PTPRD: variants seen among roughly 807,000 people sequenced by gnomAD.
PTPRD encodes the protein protein tyrosine phosphatase receptor type D, also known as receptor-type tyrosine-protein phosphatase delta.
Under a neutral mutation model 214.5 loss-of-function variants are expected in PTPRD, and 34 were observed. That is an observed-to-expected ratio of 0.16 (90% confidence interval 0.12 to 0.21). The LOEUF is 0.21. Among genes scored for constraint, PTPRD ranks in the 10% least tolerant of loss-of-function variants. PTPRD has a pLI of 1.00. For synonymous variants in PTPRD, 1,128 were observed against 845.7 expected (o/e 1.33, Z -5.79); for missense variants, 2,545 against 2,398.7 (o/e 1.06, Z -1.27).
chr9:10,468,079 G>A (rs2099006232), intron 2 of PTPRD, among the ~76,000 whole-genome samples: 1 of 152,148 alleles, frequency 6.6e-6, no homozygotes, highest in Admixed American at 6.5e-5. Flanking sequence ...CAACCATTGT[G>A]GAAGACAATG....
intron 8 of PTPRD, among the ~76,000 whole-genome samples, chr9:9,426,445 G>A (rs2080957525): frequency 6.6e-6 from 1 of 152,198 alleles, no homozygotes; most frequent in Non-Finnish European, 1.5e-5. Context: ...GCAGCTCAAG[G>A]AGGCCTGCCT....
intron 9 of PTPRD, among the ~76,000 whole-genome samples, chr9:9,363,956 C>G (rs994407485): frequency 1.3e-5 from 2 of 151,258 alleles, no homozygotes; most frequent in Non-Finnish European, 3.0e-5. Context: ...TTCATTATAT[C>G]CCCACACTGT....
chr9:8,616,989 T>C (rs568793380), intron 14 of PTPRD, among the ~76,000 whole-genome samples: 26 of 152,284 alleles, frequency 1.7e-4, no homozygotes, highest in South Asian at 1.4e-3. Context: ...GTGTATAAAA[T>C]GGCATTTATT....
intron 42 of PTPRD, among the ~76,000 whole-genome samples, chr9:8,339,835 C>CAAA (rs34436014): frequency 2.0e-5 from 3 of 147,446 alleles, no homozygotes; most frequent in Non-Finnish European, 3.0e-5. Context: ...ATGTGTATTT[C>CAAA]AAAAAAAAAC....
At chr9:8,887,258 T>C (rs751742878) in intron 11 of PTPRD, among the ~76,000 whole-genome samples, 4 of 152,170 alleles carry the variant, frequency 2.6e-5, no homozygotes, top group African/African-American at 4.8e-5. Flanking sequence ...ACCTAGGTGG[T>C]TGAGACCCCC....
chr9:8,393,358 G>C (rs1281230597), intron 36 of PTPRD, among the ~76,000 whole-genome samples: 1 of 152,134 alleles, frequency 6.6e-6, no homozygotes, highest in Non-Finnish European at 1.5e-5. Flanking sequence ...TTAGGTGATT[G>C]CTTTTCATTC....
At position 9,214,693 on chromosome 9, in the gene PTPRD, T is replaced by C. The variant is rs150871298; in HGVS notation, c.-202-31330A>G. ...GAAGATAAAAACGCCAATATTTTTATCTAGCCCTTCTAATGTTCTTCAAAG... is the reference window on the plus strand; with the variant it reads ...GAAGATAAAAACGCCAATATTTTTACCTAGCCCTTCTAATGTTCTTCAAAG... On this transcript the variant is annotated intron_variant, in intron 9 of 45. Transcript: ENST00000381196. Among the ~76,000 whole-genome samples, 91 of 152,310 alleles carry C rather than the reference T, an allele frequency of 6.0e-4. 1 individual carries two copies. The East Asian group carries it at 0.014, about 23-fold the overall frequency.
chr9:9,863,849 A>G (rs77695374), intron 5 of PTPRD, among the ~76,000 whole-genome samples: 1 of 152,042 alleles, frequency 6.6e-6, no homozygotes, highest in African/African-American at 2.4e-5. Flanking sequence ...AAAAAAAAAA[A>G]AGCAGTACAA....
chr9:9,041,850 T>C (rs772465460), intron 10 of PTPRD, among the ~76,000 whole-genome samples: 2 of 152,158 alleles, frequency 1.3e-5, no homozygotes, highest in Non-Finnish European at 2.9e-5. Context: ...TACTCAACTG[T>C]ACTGGCTATC....
intron 9 of PTPRD, among the ~76,000 whole-genome samples, chr9:9,321,803 G>A (rs573824886): frequency 6.6e-6 from 1 of 152,136 alleles, no homozygotes; most frequent in African/African-American, 2.4e-5. Flanking sequence ...TGGTTGTTGA[G>A]AGGATTAAAT....
chr9:8,442,797 C>A (rs546235449), intron 34 of PTPRD, among the ~76,000 whole-genome samples: 13 of 152,080 alleles, frequency 8.5e-5, no homozygotes, highest in Non-Finnish European at 1.8e-4. Flanking sequence ...TTGTAAGCTT[C>A]CTGATACAAC....
At chr9:10,028,843 A>C (rs2096984393) in intron 4 of PTPRD, among the ~76,000 whole-genome samples, 1 of 152,226 alleles carries the variant, frequency 6.6e-6, no homozygotes. Context: ...CATTTGCATA[A>C]GTAATGAGGA....
At chr9:9,022,247 C>T (rs185203359) in intron 10 of PTPRD, among the ~76,000 whole-genome samples, 5 of 152,144 alleles carry the variant, frequency 3.3e-5, no homozygotes, top group East Asian at 1.9e-4. Context: ...CCGTAGCCTA[C>T]GTGTGCAGGG....
chr9:9,147,957 T>C (rs1416829852), intron 10 of PTPRD, among the ~76,000 whole-genome samples: 1 of 152,182 alleles, frequency 6.6e-6, no homozygotes, highest in Non-Finnish European at 1.5e-5. Context: ...TTCAGCTGAG[T>C]CTGATGCATG....
chr9:9,411,825 T>C (rs2075531616), intron 8 of PTPRD, among the ~76,000 whole-genome samples: 1 of 152,178 alleles, frequency 6.6e-6, no homozygotes, highest in Non-Finnish European at 1.5e-5. Context: ...AGGGAATAAA[T>C]GTGTGTTTTT....
At chr9:8,790,026 C>CT (rs1023329379) in intron 11 of PTPRD, among the ~76,000 whole-genome samples, 9 of 151,666 alleles carry the variant, frequency 5.9e-5, no homozygotes, top group African/African-American at 9.7e-5. Context: ...TTGCCTTTTT[C>CT]TTTTTTTTGA....
intron 11 of PTPRD, among the ~76,000 whole-genome samples, chr9:8,820,419 A>T (rs1297703576): frequency 6.6e-6 from 1 of 152,152 alleles, no homozygotes; most frequent in African/African-American, 2.4e-5. Context: ...GTATATTTAA[A>T]TATACAGAAT....
At chr9:9,192,816 C>T (rs1031838424) in intron 9 of PTPRD, among the ~76,000 whole-genome samples, 16 of 152,000 alleles carry the variant, frequency 1.1e-4, no homozygotes, top group African/African-American at 3.6e-4. Context: ...AGAAAATCAA[C>T]TGTTAATAAA....
rs1235262409 is a variant in PTPRD at position 10,505,240 on chromosome 9, G to C, written c.-600+107158C>G. Among the ~76,000 whole-genome samples the C allele has an allele frequency of 2.6e-5, 4 of 152,158 alleles. No homozygotes were observed. The East Asian group carries it at 5.8e-4, about 22-fold the overall frequency. ...TCAGCTTATCTGAGGTATTGCAAAA[G>C]TGCTGTTGCAGTCACTGGTGACAGT... On this transcript the variant is annotated intron_variant, in intron 2 of 45. Coordinates refer to ENST00000381196, the MANE Select transcript of PTPRD (RefSeq NM_002839.4).
Sources: allele counts gnomAD v4.1 joint callset (sites outside exome capture counted in the v4.1 genomes callset), GRCh38; gene constraint gnomAD v4.1.1; transcripts MANE v1.5; gene names NCBI Gene and HGNC (gene_info 2026-07-23, HGNC 2026-07-21).